PPP3CA: variants seen among roughly 807,000 people sequenced by gnomAD.
The protein encoded by PPP3CA is protein phosphatase 3 catalytic subunit alpha.
In PPP3CA, 14 loss-of-function variants were observed where a neutral mutation model predicts 66.5. The ratio of observed to expected loss-of-function variants is 0.21; its 90% CI spans 0.14 to 0.33. PPP3CA has a LOEUF of 0.33. PPP3CA is among the 10% of genes least tolerant of loss of function. PPP3CA has a pLI of 1.00. For missense variants in PPP3CA, 317 were observed against 639.5 expected (o/e 0.50, Z 5.44); for synonymous variants, 232 against 226.2 (o/e 1.03, Z -0.23).
At chr4:101,262,405 A>G (rs1030721457) in intron 1 of PPP3CA, among the ~76,000 whole-genome samples, 1 of 152,168 alleles carries the variant, frequency 6.6e-6, no homozygotes, top group African/African-American at 2.4e-5. Flanking sequence ...ACATTATTGA[A>G]ATCTTTAATT....
At chr4:101,027,821 T>A (rs1191953113) in intron 13 of PPP3CA, among the ~76,000 whole-genome samples, 1 of 152,168 alleles carries the variant, frequency 6.6e-6, no homozygotes, top group African/African-American at 2.4e-5. Flanking sequence ...GGAATGGGGC[T>A]CCATTTCTAA....
rs565606906 is a variant in PPP3CA, at chr4:101,024,912, A to AT, written c.*952dup. 9.2e-3 allele frequency: 1,372 copies of AT among 148,612 alleles called. 12 individuals carry two copies. The highest frequency in any genetic ancestry group is 0.039 in the South Asian group (182 of 4,684). The allele number at this position is 148,612 out of a possible 1,614,324, so 9.2% of individuals were successfully genotyped here. On this transcript the variant is annotated 3_prime_UTR_variant, in exon 14 of 14. Coordinates refer to ENST00000394854, the MANE Select transcript of PPP3CA (RefSeq NM_000944.5). Reference sequence around the variant, plus strand: ...CAGTCCCATACAGGCCGATACAGCCATTTTTTTTTTCTTAAAAAACATGCA... The same window carrying AT: ...CAGTCCCATACAGGCCGATACAGCCATTTTTTTTTTTCTTAAAAAACATGCA...
chr4:101,181,332 GA>G, intron 2 of PPP3CA, among the ~76,000 whole-genome samples: 1 of 151,870 alleles, frequency 6.6e-6, no homozygotes, highest in Admixed American at 6.6e-5. Context: ...TTTAACATCA[GA>G]AAAGATATCA....
intron 1 of PPP3CA, among the ~76,000 whole-genome samples, chr4:101,229,367 A>G (rs1474856114): frequency 1.3e-5 from 2 of 151,668 alleles, no homozygotes; most frequent in African/African-American, 4.8e-5. Context: ...CCAGCTATCT[A>G]TACAAGGTTC....
At chr4:101,152,839 A>G (rs1723185346) in intron 2 of PPP3CA, among the ~76,000 whole-genome samples, 1 of 152,238 alleles carries the variant, frequency 6.6e-6, no homozygotes, top group Admixed American at 6.5e-5. Flanking sequence ...TGTGATTAAA[A>G]GTAAATCTAA....
intron 2 of PPP3CA, among the ~76,000 whole-genome samples, chr4:101,138,607 G>A (rs1722697574): frequency 6.6e-6 from 1 of 152,036 alleles, no homozygotes; most frequent in African/African-American, 2.4e-5. Flanking sequence ...CATTTCCTTG[G>A]AGTGTCATGT....
intron 2 of PPP3CA, among the ~76,000 whole-genome samples, chr4:101,135,942 T>A (rs1404217475): frequency 6.6e-6 from 1 of 152,248 alleles, no homozygotes; most frequent in Non-Finnish European, 1.5e-5. Flanking sequence ...TATATTGAAC[T>A]ATTCATTTAA....
chr4:101,252,948 G>C (rs988068706), intron 1 of PPP3CA, among the ~76,000 whole-genome samples: 1 of 152,162 alleles, frequency 6.6e-6, no homozygotes, highest in African/African-American at 2.4e-5. Context: ...AGAGGTTGCT[G>C]CTTGCTAAGG....
chr4:101,062,844 C>G (rs746699627), intron 9 of PPP3CA, among the ~76,000 whole-genome samples: 4 of 151,898 alleles, frequency 2.6e-5, no homozygotes, highest in Non-Finnish European at 5.9e-5. Flanking sequence ...CTATCCTAAT[C>G]TTTTAATTTG....
At chr4:101,090,908 ATAT>A (rs1308337126) in intron 6 of PPP3CA, among the ~76,000 whole-genome samples, 3 of 104,472 alleles carry the variant, frequency 2.9e-5, no homozygotes, top group South Asian at 2.7e-4. Context: ...ATCTGTGTCT[ATAT>A]TATAATATAC....
chr4:101,245,998 C>G (rs1333137669), intron 1 of PPP3CA, among the ~76,000 whole-genome samples: 1 of 152,024 alleles, frequency 6.6e-6, no homozygotes, highest in Non-Finnish European at 1.5e-5. Context: ...CTCCACCTAT[C>G]TCTGCCTCCT....
chr4:101,037,427 T>C (rs1314724784), intron 11 of PPP3CA, among the ~76,000 whole-genome samples: 1 of 152,214 alleles, frequency 6.6e-6, no homozygotes, highest in Non-Finnish European at 1.5e-5. Flanking sequence ...AAGAAACATG[T>C]TGGGCAAGTA....
At chr4:101,207,489 G>A (rs1307076336) in intron 1 of PPP3CA, among the ~76,000 whole-genome samples, 2 of 152,146 alleles carry the variant, frequency 1.3e-5, no homozygotes, top group South Asian at 2.1e-4. Context: ...AATCTTACCA[G>A]TAGACACAAA....
chr4:101,218,803 T>C (rs994392560), intron 1 of PPP3CA, among the ~76,000 whole-genome samples: 1 of 151,918 alleles, frequency 6.6e-6, no homozygotes, highest in Admixed American at 6.6e-5. Flanking sequence ...CAAGAAAAAG[T>C]GGCAAGTTTT....
At chr4:101,273,492 A>G (rs933214068) in intron 1 of PPP3CA, among the ~76,000 whole-genome samples, 6 of 152,116 alleles carry the variant, frequency 3.9e-5, no homozygotes, top group Non-Finnish European at 7.4e-5. Context: ...ATGCTCAGCT[A>G]ATTTTTGTAC....
At chr4:101,092,200 G>T (rs1729984309) in intron 6 of PPP3CA, among the ~76,000 whole-genome samples, 1 of 151,884 alleles carries the variant, frequency 6.6e-6, no homozygotes, top group African/African-American at 2.4e-5. Context: ...TTTCAACTTG[G>T]CTTGTCAAAG....
intron 1 of PPP3CA, among the ~76,000 whole-genome samples, chr4:101,211,069 GT>G (rs1490810375): frequency 6.6e-6 from 1 of 152,146 alleles, no homozygotes; most frequent in Non-Finnish European, 1.5e-5. Flanking sequence ...CAACAGTCTT[GT>G]GATTTGGGTA....
intron 1 of PPP3CA, among the ~76,000 whole-genome samples, chr4:101,243,390 T>C (rs1200281497): frequency 6.6e-6 from 1 of 152,106 alleles, no homozygotes; most frequent in Non-Finnish European, 1.5e-5. Flanking sequence ...AGTTACAGAC[T>C]GGGGCTGTGG....
intron 8 of PPP3CA, among the ~76,000 whole-genome samples, chr4:101,064,528 T>A (rs750450536): frequency 1.3e-5 from 2 of 152,038 alleles, no homozygotes; most frequent in Non-Finnish European, 2.9e-5. Flanking sequence ...TTCTTGCTTA[T>A]GTTATGGGGT....
Sources: gnomAD v4.1 joint callset for allele counts (sites outside exome capture counted in the v4.1 genomes callset) on GRCh38, gnomAD v4.1.1 for gene constraint, MANE v1.5 for transcripts, NCBI Gene and HGNC (gene_info 2026-07-23, HGNC 2026-07-21) for gene names.